Variants in ZFHX3 observed in about 807,000 individuals in gnomAD.
The protein encoded by ZFHX3 is zinc finger homeobox 3.
Under a neutral mutation model 279.1 loss-of-function variants are expected in ZFHX3, and 42 were observed. That is an observed-to-expected ratio of 0.15 (90% CI 0.12 to 0.19). ZFHX3 has a LOEUF of 0.19. Ranked by LOEUF, ZFHX3 falls within the 10% of genes least tolerant of loss-of-function variation. The pLI, the probability that ZFHX3 is intolerant of heterozygous loss-of-function variation, is 1.00. For synonymous variants in ZFHX3, 2,293 were observed against 1,957.8 expected (o/e 1.17, Z -4.52); for missense variants, 4,981 against 4,754.0 (o/e 1.05, Z -1.40).
intron 7 of ZFHX3, chr16:72,807,055 A>G (rs1295909654): frequency 1.3e-5 from 2 of 152,216 alleles, no homozygotes; most frequent in Admixed American, 6.5e-5. Flanking sequence ...GGTCTTTCCT[A>G]TTCTCATTCA....
At position 72,889,874 on chromosome 16, in the gene ZFHX3, T is replaced by C. The variant is rs776321338; in HGVS notation, c.3305A>G (p.Asn1102Ser). 17 of 1,613,990 alleles carry C rather than the reference T, an allele frequency of 1.1e-5. No homozygotes were observed. The highest frequency in any genetic ancestry group is 1.7e-4 in the Middle Eastern group (1 of 6,022). ...CATGGAGCGCACATGCTGGATGAGG[T>C]TGAGCTTGGCCTTGGTGGAGTAGTT... ...LCNYSTKAKL[N>S]LIQHVRSMKH... Residue 1102 changes from asparagine to serine, a missense_variant, in exon 4 of 10, where the codon AAC becomes AGC. Asn to Ser is a conservative substitution (Grantham distance 46). This residue lies in a region of ZFHX3 where 1,751 missense variants were observed against 1,770.0 expected (regional missense o/e 0.99). Coordinates refer to ENST00000268489, the MANE Select transcript of ZFHX3 (RefSeq NM_006885.4).
intron 2 of ZFHX3, among the ~76,000 whole-genome samples, chr16:73,522,239 A>G (rs2019619720): frequency 6.6e-6 from 1 of 152,254 alleles, no homozygotes; most frequent in Non-Finnish European, 1.5e-5. Flanking sequence ...GCATCTTTAA[A>G]GTATTACAAC....
intron 3 of ZFHX3, among the ~76,000 whole-genome samples, chr16:72,925,245 G>A: frequency 6.6e-6 from 1 of 152,196 alleles, no homozygotes; most frequent in East Asian, 1.9e-4. Flanking sequence ...CCAGAAGCTG[G>A]CCCACTTCTT....
intron 8 of ZFHX3, among the ~76,000 whole-genome samples, chr16:73,069,246 A>G (rs1808041890): frequency 2.0e-5 from 3 of 152,224 alleles, no homozygotes; most frequent in African/African-American, 7.2e-5. Flanking sequence ...AGAGAGGGGT[A>G]TCAAATATCT....
chr16:73,210,253 A>G (rs953558568), intron 5 of ZFHX3, among the ~76,000 whole-genome samples: 5 of 152,196 alleles, frequency 3.3e-5, no homozygotes, highest in African/African-American at 1.2e-4. Flanking sequence ...TAACTGCTGG[A>G]TCGGGTTAGC....
intron 2 of ZFHX3, chr16:73,558,334 C>CT (rs2143783953): frequency 6.6e-6 from 1 of 152,332 alleles, no homozygotes; most frequent in South Asian, 2.1e-4. Flanking sequence ...ATGAGGACAA[C>CT]TTTGACTCGT....
intron 2 of ZFHX3, among the ~76,000 whole-genome samples, chr16:73,660,147 G>C (rs2052766051): frequency 6.6e-6 from 1 of 152,268 alleles, no homozygotes; most frequent in African/African-American, 2.4e-5. Context: ...GGACGAACTA[G>C]GGAAAATACA....
chr16:73,592,007 A>C (rs1395116980), intron 2 of ZFHX3, among the ~76,000 whole-genome samples: 1 of 151,928 alleles, frequency 6.6e-6, no homozygotes, highest in Non-Finnish European at 1.5e-5. Flanking sequence ...TGAGGTGGGG[A>C]GATCACCTGA....
intron 3 of ZFHX3, among the ~76,000 whole-genome samples, chr16:72,890,855 A>G (rs988117877): frequency 1.3e-5 from 2 of 152,274 alleles, no homozygotes; most frequent in African/African-American, 4.8e-5. Context: ...TTGAAACATC[A>G]GAGTTGAACA....
chr16:73,397,089 G>T (rs1176104966), intron 3 of ZFHX3, among the ~76,000 whole-genome samples: 4 of 152,148 alleles, frequency 2.6e-5, no homozygotes, highest in African/African-American at 9.7e-5. Flanking sequence ...CTCTATTTGG[G>T]GACATCTTTG....
At chr16:73,178,652 A>T (rs564785204) in intron 5 of ZFHX3, among the ~76,000 whole-genome samples, 1 of 152,060 alleles carries the variant, frequency 6.6e-6, no homozygotes, top group African/African-American at 2.4e-5. Flanking sequence ...ACAATAGTTT[A>T]TTTTATTTTT....
intron 1 of ZFHX3, among the ~76,000 whole-genome samples, chr16:73,783,766 T>A (rs943874514): frequency 5.3e-5 from 8 of 152,228 alleles, no homozygotes; most frequent in African/African-American, 1.9e-4. Context: ...ATGAGATAGT[T>A]ACTACTATCA....
At chr16:73,472,852 C>CATG (rs1355791178) in intron 2 of ZFHX3, among the ~76,000 whole-genome samples, 1 of 152,202 alleles carries the variant, frequency 6.6e-6, no homozygotes, top group Non-Finnish European at 1.5e-5. Flanking sequence ...AGCCCAGAAG[C>CATG]ATGGTTCCTT....
At chr16:73,718,611 A>ATTAT (rs796528027) in intron 1 of ZFHX3, among the ~76,000 whole-genome samples, 5 of 62,756 alleles carry the variant, frequency 8.0e-5, no homozygotes, top group African/African-American at 1.7e-4. Flanking sequence ...TTATTTATTT[A>ATTAT]TTATTTATTT....
intron 4 of ZFHX3, among the ~76,000 whole-genome samples, chr16:72,888,092 A>G (rs1054478168): frequency 2.0e-5 from 3 of 152,204 alleles, no homozygotes; most frequent in African/African-American, 7.2e-5. Flanking sequence ...AAACATGGAA[A>G]TAAGTAACAA....
intron 1 of ZFHX3, among the ~76,000 whole-genome samples, chr16:73,735,913 T>TGTTTG (rs1567565777): frequency 2.1e-4 from 32 of 151,972 alleles, no homozygotes; most frequent in African/African-American, 7.3e-4. Context: ...TTTTTTTTTT[T>TGTTTG]TTTAATGCTC....
At chr16:72,982,868 A>T (rs1214592187) in intron 1 of ZFHX3, among the ~76,000 whole-genome samples, 1 of 152,180 alleles carries the variant, frequency 6.6e-6, no homozygotes, top group Non-Finnish European at 1.5e-5. Context: ...CTATTTGTAA[A>T]AAGATGTAAT....
chr16:73,469,108 A>C (rs1248935551), intron 2 of ZFHX3, among the ~76,000 whole-genome samples: 1 of 152,212 alleles, frequency 6.6e-6, no homozygotes, highest in Non-Finnish European at 1.5e-5. Context: ...GAGGATGCAG[A>C]GTGGGGCTCC....
Position 73,047,800 on chromosome 16 carries a change from G to A in ZFHX3, c.-98C>T, listed in dbSNP as rs1965353431. The A allele has an allele frequency of 6.6e-6, 1 of 152,434 alleles. No individual in the cohort carries two copies. Among genetic ancestry groups the A allele is most frequent in the African/African-American group, 2.4e-5 (1 of 41,454 alleles). 9.4% of individuals were successfully genotyped at this position (152,434 alleles called of 1,614,324 possible). ...CCTCCGGAGGGAGGCGGCACTTGCAGGTCCGGGGGCCGCGCCGCCATGCGC... is the reference window on the plus strand; with the variant it reads ...CCTCCGGAGGGAGGCGGCACTTGCAAGTCCGGGGGCCGCGCCGCCATGCGC... On this transcript the variant is annotated 5_prime_UTR_variant, in exon 1 of 10. Coordinates refer to ENST00000268489, the MANE Select transcript of ZFHX3 (RefSeq NM_006885.4).
Sources: gnomAD v4.1 joint callset for allele counts (sites outside exome capture counted in the v4.1 genomes callset) on GRCh38, gnomAD v4.1.1 for gene constraint, gnomAD v4.1.1 regional missense constraint, MANE v1.5 for transcripts, NCBI Gene and HGNC (gene_info 2026-07-23, HGNC 2026-07-21) for gene names.